COMMD10: variants seen among roughly 807,000 people sequenced by gnomAD.
COMMD10 encodes the protein COMM domain containing 10, also known as COMM domain-containing protein 10.
In COMMD10, 33 loss-of-function variants were observed where a neutral mutation model predicts 28.9. The observed-to-expected ratio is 1.14, with a 90% CI of 0.87 to 1.53. COMMD10 has a LOEUF of 1.53. COMMD10 is among the 40% of genes most tolerant of loss of function. COMMD10 has a pLI of 0.00. For synonymous variants in COMMD10, 110 were observed against 81.7 expected, an observed-to-expected ratio of 1.35 and a Z score of -1.87; for missense variants, 310 against 233.4, an observed-to-expected ratio of 1.33 and a Z score of -2.14.
Position 116,225,353 on chromosome 5 carries a change from G to GTTTTTTTTTTTTTTTTTTTTTTTT in COMMD10, c.511-66164_511-66163insTTTTTTTTTTTTTTTTTTTTTTTT, listed in dbSNP as rs143964154. Among the ~76,000 whole-genome samples the GTTTTTTTTTTTTTTTTTTTTTTTT allele has an allele frequency of 4.3e-5, 5 of 116,512 alleles. 2 individuals carry two copies. Among genetic ancestry groups the GTTTTTTTTTTTTTTTTTTTTTTTT allele is most frequent in the Non-Finnish European group, 3.4e-5 (2 of 58,966 alleles). 76.4% of individuals were successfully genotyped at this position (116,512 alleles called of 152,430 possible). Reference sequence around the variant, plus strand: ...AGACTTTCCTGTTTGTTTTTTTGGGGATTTTTTTTTTTTTTTTTGCATATG... The same window carrying GTTTTTTTTTTTTTTTTTTTTTTTT: ...AGACTTTCCTGTTTGTTTTTTTGGGGTTTTTTTTTTTTTTTTTTTTTTTTATTTTTTTTTTTTTTTTTGCATATG... On this transcript the variant is annotated intron_variant, in intron 5 of 6. Coordinates refer to ENST00000274458, the MANE Select transcript of COMMD10 (RefSeq NM_016144.4).
At chr5:116,223,816 G>A (rs1580561966) in intron 5 of COMMD10, among the ~76,000 whole-genome samples, 2 of 152,244 alleles carry the variant, frequency 1.3e-5, no homozygotes, top group Middle Eastern at 3.4e-3. Flanking sequence ...TGGTTCAAAG[G>A]CAACACTTGA....
chr5:116,291,474 T>C (rs1751357963), intron 5 of COMMD10, 43 bp from the exon 6 acceptor site: 5 of 1,322,150 alleles, frequency 3.8e-6, no homozygotes, highest in Non-Finnish European at 5.4e-6. Context: ...GTGATGTAAA[T>C]TGTGTGCAAC....
chr5:116,256,948 A>G (rs1750305376), intron 5 of COMMD10, among the ~76,000 whole-genome samples: 1 of 151,812 alleles, frequency 6.6e-6, no homozygotes, highest in Non-Finnish European at 1.5e-5. Flanking sequence ...ACACATATGT[A>G]CTTAACAGTG....
chr5:116,287,643 C>T (rs890470121), intron 5 of COMMD10, among the ~76,000 whole-genome samples: 1 of 151,212 alleles, frequency 6.6e-6, no homozygotes, highest in African/African-American at 2.4e-5. Flanking sequence ...TGTTCCTTTC[C>T]TCTCTCATTG....
chr5:116,205,489 C>T (rs561570293), intron 5 of COMMD10, among the ~76,000 whole-genome samples: 4 of 152,224 alleles, frequency 2.6e-5, no homozygotes, highest in African/African-American at 9.6e-5. Context: ...TCTAGCCTTC[C>T]TTTCAGTTAC....
chr5:116,163,588 T>C (rs1043660374), intron 5 of COMMD10, among the ~76,000 whole-genome samples: 4 of 151,546 alleles, frequency 2.6e-5, no homozygotes, highest in Non-Finnish European at 5.9e-5. Flanking sequence ...ACACTCTGTC[T>C]CCAAAAAAAT....
chr5:116,195,518 C>G (rs948707302), intron 5 of COMMD10, among the ~76,000 whole-genome samples: 2 of 151,966 alleles, frequency 1.3e-5, no homozygotes, highest in East Asian at 3.9e-4. Context: ...CCAACAGCGA[C>G]CAAACAGAGA....
chr5:116,143,266 A>G (rs897264729), intron 5 of COMMD10, among the ~76,000 whole-genome samples: 13 of 151,578 alleles, frequency 8.6e-5, no homozygotes, highest in African/African-American at 3.1e-4. Flanking sequence ...TTTATCCATA[A>G]TAAGATTTTA....
intron 4 of COMMD10, among the ~76,000 whole-genome samples, chr5:116,109,429 A>T (rs1580451687): frequency 6.6e-6 from 1 of 152,196 alleles, no homozygotes; most frequent in East Asian, 1.9e-4. Context: ...CACCATCTCT[A>T]CTAAAAATAC....
intron 5 of COMMD10, among the ~76,000 whole-genome samples, chr5:116,242,122 C>T (rs779873034): frequency 4.6e-5 from 7 of 152,060 alleles, no homozygotes; most frequent in East Asian, 1.9e-4. Flanking sequence ...AGGTGAATGC[C>T]GATAGCTGCT....
rs1426824513 is a variant in COMMD10, at chr5:116,122,132, G to T, written c.400-11936G>T. ...TGTTTTAGGTCTAACATGTAAGTCT[G>T]TAAGCCATCTTGAATTAATTTTTGT... On this transcript the variant is annotated intron_variant, in intron 4 of 6. Transcript: ENST00000274458. Among the ~76,000 whole-genome samples the T allele has an allele frequency of 3.3e-5, 5 of 152,112 alleles. No individual in the cohort carries two copies. In the East Asian group the frequency reaches 9.7e-4, roughly 29 times the overall value.
intron 5 of COMMD10, among the ~76,000 whole-genome samples, chr5:116,256,042 G>A (rs1466648657): frequency 7.3e-5 from 11 of 151,580 alleles, no homozygotes; most frequent in African/African-American, 7.3e-5. Flanking sequence ...ATAAAGTAGC[G>A]CAAATATGCA....
intron 2 of COMMD10, among the ~76,000 whole-genome samples, chr5:116,090,098 A>T (rs997692387): frequency 2.0e-5 from 3 of 150,880 alleles, no homozygotes; most frequent in African/African-American, 7.4e-5. Flanking sequence ...GAAGAGATGT[A>T]TTTGTCCAGA....
chr5:116,140,431 C>T (rs1202672644), intron 5 of COMMD10, among the ~76,000 whole-genome samples: 1 of 151,706 alleles, frequency 6.6e-6, no homozygotes, highest in Admixed American at 6.6e-5. Flanking sequence ...CTGGATTCAT[C>T]TTCTTTGAAT....
chr5:116,271,331 A>G (rs1314154002), intron 5 of COMMD10, among the ~76,000 whole-genome samples: 1 of 147,124 alleles, frequency 6.8e-6, no homozygotes, highest in Non-Finnish European at 1.5e-5. Context: ...ATAAATATAT[A>G]TTTATATTTA....
intron 5 of COMMD10, among the ~76,000 whole-genome samples, chr5:116,249,251 G>C (rs1290206850): frequency 6.6e-6 from 1 of 151,804 alleles, no homozygotes; most frequent in Non-Finnish European, 1.5e-5. Flanking sequence ...TTTTATGACA[G>C]GATTGAGGTA....
At chr5:116,093,584 G>A (rs1382222427) in intron 4 of COMMD10, among the ~76,000 whole-genome samples, 2 of 152,170 alleles carry the variant, frequency 1.3e-5, no homozygotes, top group East Asian at 3.9e-4. Flanking sequence ...TAGAAAGGGT[G>A]CTCTTGCTGG....
chr5:116,149,094 GAATA>G (rs1752432213), intron 5 of COMMD10, among the ~76,000 whole-genome samples: 1 of 147,148 alleles, frequency 6.8e-6, no homozygotes, highest in Non-Finnish European at 1.5e-5. Context: ...GACATAGTGA[GAATA>G]TGCGGTGTTT....
intron 5 of COMMD10, among the ~76,000 whole-genome samples, chr5:116,233,512 AC>A: frequency 6.6e-6 from 1 of 152,280 alleles, no homozygotes; most frequent in South Asian, 2.1e-4. Context: ...CAGACAATAA[AC>A]AAAAAAGTAA....
Sources: gnomAD v4.1 joint callset for allele counts (sites outside exome capture counted in the v4.1 genomes callset) on GRCh38, gnomAD v4.1.1 for gene constraint, MANE v1.5 for transcripts, NCBI Gene and HGNC (gene_info 2026-07-23, HGNC 2026-07-21) for gene names.